Variants in INVS observed in about 807,000 individuals in gnomAD.
INVS encodes the protein inversion of embryo turning homolog.
A neutral mutation model predicts 108.8 loss-of-function variants in INVS; 86 were observed. That is an observed-to-expected ratio of 0.79 (90% CI 0.66 to 0.95). INVS has a LOEUF of 0.95. Ranked by LOEUF, INVS falls within the 40% of genes least tolerant of loss-of-function variation. The probability of loss-of-function intolerance (pLI) is 0.00; values close to 1 mark genes in which losing one functional copy is unlikely to be tolerated. For missense variants in INVS, 1,169 were observed against 1,297.4 expected, an observed-to-expected ratio of 0.90 and a Z score of 1.52; for synonymous variants, 455 against 473.5, an observed-to-expected ratio of 0.96 and a Z score of 0.51.
chr9:100,184,557 T>C (rs981908438), intron 3 of INVS, among the ~76,000 whole-genome samples: 1 of 152,210 alleles, frequency 6.6e-6, no homozygotes, highest in African/African-American at 2.4e-5. Flanking sequence ...ATTTAACATA[T>C]AGGTTTGTGC....
At chr9:100,259,485 C>T (rs530417326) in intron 10 of INVS, among the ~76,000 whole-genome samples, 7 of 152,072 alleles carry the variant, frequency 4.6e-5, no homozygotes, top group South Asian at 2.1e-4. Flanking sequence ...AGAAATCACC[C>T]GTCTTCTTCA....
intron 5 of INVS, among the ~76,000 whole-genome samples, chr9:100,234,521 T>C (rs941883288): frequency 6.6e-5 from 10 of 152,244 alleles, no homozygotes; most frequent in African/African-American, 2.2e-4. Flanking sequence ...AATTTCCCTC[T>C]AACCACTGCT....
chr9:100,121,103 C>T (rs772009788), intron 2 of INVS, among the ~76,000 whole-genome samples: 3 of 152,104 alleles, frequency 2.0e-5, no homozygotes, highest in Non-Finnish European at 4.4e-5. Context: ...CAGTTTGCTT[C>T]TCCAAGGCCA....
intron 3 of INVS, among the ~76,000 whole-genome samples, chr9:100,205,531 T>C (rs1451950820): frequency 2.6e-5 from 4 of 152,132 alleles, no homozygotes; most frequent in East Asian, 3.9e-4. Context: ...TGAATTATAC[T>C]TGAAACAAGA....
chr9:100,159,320 C>T (rs1404169331), intron 3 of INVS, among the ~76,000 whole-genome samples: 2 of 152,116 alleles, frequency 1.3e-5, no homozygotes, highest in African/African-American at 4.8e-5. Context: ...AATTAATTTT[C>T]AAAGGCTTGG....
chr9:100,255,544 G>C (rs1461707073), intron 10 of INVS, among the ~76,000 whole-genome samples: 31 of 150,916 alleles, frequency 2.1e-4, no homozygotes, highest in South Asian at 8.4e-4. Context: ...GACATTGGCT[G>C]TGGGTTTGTC....
At chr9:100,171,835 G>T in intron 3 of INVS, among the ~76,000 whole-genome samples, 1 of 151,972 alleles carries the variant, frequency 6.6e-6, no homozygotes, top group Non-Finnish European at 1.5e-5. Flanking sequence ...TATATCATTG[G>T]CAAAAGCATT....
intron 12 of INVS, among the ~76,000 whole-genome samples, chr9:100,276,105 T>G (rs1462869236): frequency 5.9e-5 from 9 of 152,182 alleles, no homozygotes. Context: ...GAAGGCAAAC[T>G]TTTTAGACTT....
chr9:100,199,675 A>G (rs534524361), intron 3 of INVS, among the ~76,000 whole-genome samples: 50 of 152,286 alleles, frequency 3.3e-4, no homozygotes, highest in Non-Finnish European at 5.6e-4. Flanking sequence ...TGAGAAGTAC[A>G]CCATCATCCC....
At chr9:100,227,790 A>G (rs1373272195) in intron 4 of INVS, among the ~76,000 whole-genome samples, 2 of 151,824 alleles carry the variant, frequency 1.3e-5, no homozygotes, top group Non-Finnish European at 2.9e-5. Context: ...CTTCAAAGAC[A>G]TTTGCCCAGC....
Position 100,146,899 on chromosome 9 carries a change from A to G in INVS, c.273+20350A>G, listed in dbSNP as rs1828636409. On this transcript the variant is annotated intron_variant, in intron 3 of 16. Coordinates refer to ENST00000262457, the MANE Select transcript of INVS (RefSeq NM_014425.5). Reference sequence around the variant, plus strand: ...ATAGTGCTTCCGTCAACGTAGGTGTACATATACTTGTTTGAGTACCTGTTT... The same window carrying G: ...ATAGTGCTTCCGTCAACGTAGGTGTGCATATACTTGTTTGAGTACCTGTTT... Among the ~76,000 whole-genome samples, 3 of 152,214 alleles carry G rather than the reference A, an allele frequency of 2.0e-5. 1 individual carries two copies. The highest frequency in any genetic ancestry group is 4.1e-4 in the South Asian group (2 of 4,832).
intron 3 of INVS, among the ~76,000 whole-genome samples, chr9:100,179,838 A>T (rs901542860): frequency 1.3e-5 from 2 of 152,242 alleles, no homozygotes; most frequent in Non-Finnish European, 2.9e-5. Flanking sequence ...AACAGAATAT[A>T]CATTCTTCTC....
chr9:100,100,275 G>A (rs965149592), intron 1 of INVS, among the ~76,000 whole-genome samples: 7 of 151,614 alleles, frequency 4.6e-5, no homozygotes, highest in Non-Finnish European at 8.8e-5. Flanking sequence ...TTCTCAGGGT[G>A]ACAAAATTAG....
At chr9:100,289,510 C>T (rs1185558952) in intron 13 of INVS, among the ~76,000 whole-genome samples, 1 of 152,222 alleles carries the variant, frequency 6.6e-6, no homozygotes, top group African/African-American at 2.4e-5. Context: ...CTCACAGTCC[C>T]ATGGGCTACC....
chr9:100,298,152 G>A (rs1355360523), intron 16 of INVS, 142 bp downstream of exon 16: 1 of 1,545,900 alleles, frequency 6.5e-7, no homozygotes, highest in African/African-American at 1.4e-5. Flanking sequence ...GATTATTACT[G>A]TAGCCAACAT....
intron 11 of INVS, 35 bp from the exon 12 acceptor site, chr9:100,272,829 A>G: frequency 6.4e-7 from 1 of 1,570,982 alleles, no homozygotes; most frequent in South Asian, 1.1e-5. Flanking sequence ...TACATTCTAA[A>G]ATTAAAAAAA....
At chr9:100,264,618 C>CAAAAAAAAAAAAA (rs36049678) in intron 10 of INVS, among the ~76,000 whole-genome samples, 1 of 127,312 alleles carries the variant, frequency 7.9e-6, no homozygotes. Context: ...AACTCCGTCT[C>CAAAAAAAAAAAAA]AAAAAAAAAA....
At chr9:100,219,200 C>A (rs1003568491) in intron 3 of INVS, among the ~76,000 whole-genome samples, 7 of 151,538 alleles carry the variant, frequency 4.6e-5, no homozygotes, top group South Asian at 2.1e-4. Flanking sequence ...GAAAAAAAAA[C>A]AAATAGCCAA....
chr9:100,125,792 TCTC>T (rs1827865781), intron 2 of INVS, among the ~76,000 whole-genome samples: 1 of 151,556 alleles, frequency 6.6e-6, no homozygotes. Context: ...TTTAAGCAAT[TCTC>T]CTGCCTCAAC....
Sources: allele counts gnomAD v4.1 joint callset (sites outside exome capture counted in the v4.1 genomes callset), GRCh38; gene constraint gnomAD v4.1.1; transcripts MANE v1.5; gene names NCBI Gene and HGNC (gene_info 2026-07-23, HGNC 2026-07-21).